The following SLC4A11 variants were observed in gnomAD, a reference collection of about 807,000 sequenced individuals.
SLC4A11 encodes bicarbonate transporter related protein 1.
In SLC4A11, 74 loss-of-function variants were observed where a neutral mutation model predicts 95.0. The ratio of observed to expected loss-of-function variants is 0.78; its 90% CI spans 0.65 to 0.95. The LOEUF is 0.95. Among genes scored for constraint, SLC4A11 ranks in the 40% least tolerant of loss-of-function variants. The pLI, the probability that SLC4A11 is intolerant of heterozygous loss-of-function variation, is 0.00. For missense variants in SLC4A11, 1,081 were observed against 1,192.4 expected (o/e 0.91, Z 1.38); for synonymous variants, 548 against 519.0 (o/e 1.06, Z -0.76).
intron 1 of SLC4A11, chr20:3,237,805 G>C: frequency 6.3e-7 from 1 of 1,589,036 alleles, no homozygotes; most frequent in East Asian, 2.3e-5. Flanking sequence ...CAATTGCTTA[G>C]CCCATCTGCT....
At chr20:3,230,060 C>G (rs1395514642) in intron 13 of SLC4A11, 127 bp downstream of exon 13, 1 of 1,259,278 alleles carries the variant, frequency 7.9e-7, no homozygotes, top group Non-Finnish European at 1.2e-6. Context: ...TCCCAGAGCA[C>G]CGCACCCTTG....
At chr20:3,228,004 A>AG in intron 19 of SLC4A11, 148 bp from the exon 20 acceptor site, 1 of 698,062 alleles carries the variant, frequency 1.4e-6, no homozygotes, top group Non-Finnish European at 2.2e-6. Context: ...CTCCACTCCT[A>AG]GACTGGAGCC....
chr20:3,232,542 A>G (rs755767952), intron 7 of SLC4A11, among the ~76,000 whole-genome samples: 3 of 152,218 alleles, frequency 2.0e-5, no homozygotes, highest in Non-Finnish European at 2.9e-5. Flanking sequence ...CTCTACTAAA[A>G]ATACAAAATA....
chr20:3,234,430 C>A lies in SLC4A11; in HGVS notation c.292-116G>T. 1 of 1,511,212 alleles carries A rather than the reference C, an allele frequency of 6.6e-7. No individual in the cohort carries two copies. The highest frequency in any genetic ancestry group is 9.2e-7 in the Non-Finnish European group (1 of 1,092,138). 93.6% of individuals were successfully genotyped at this position (1,511,212 alleles called of 1,614,324 possible). ...CAGCCCCCAGCCCCCAGCCCCCAGC[C>A]CTGGGCTGGTGCGAGCTCCCTGTTG... On this transcript the variant is annotated intron_variant, in intron 4 of 19. Coordinates refer to ENST00000642402, the MANE Select transcript of SLC4A11 (RefSeq NM_001174089.2). This position sits in a 1 kb window ranked among gnomAD's most constrained non-coding sequence, Gnocchi z 5.8.
chr20:3,231,154 G>A lies in SLC4A11; in HGVS notation c.1037C>T (p.Thr346Ile), dbSNP rs868600314. 6.2e-7 allele frequency: 1 copy of A among 1,614,150 alleles called. No individual in the cohort carries two copies. ...GGAAAGCAGAGGCCACGTACCATCA[G>A]TGAAGTCCAAGGGGTACAAGGGGAA... ...RRFPLYPLDF[T>I]DGIIGKNKAV... is the part of the protein sequence containing the mutation. Residue 346 changes from threonine to isoleucine, a missense_variant, in exon 9 of 20, where the codon ACT becomes ATT. Physicochemically the swap from Thr to Ile is moderately conservative, Grantham distance 89. Coordinates refer to ENST00000642402, the MANE Select transcript of SLC4A11 (RefSeq NM_001174089.2). The surrounding 1 kb of genome is among the most constrained non-coding windows in gnomAD (Gnocchi z 5.2).
At chr20:3,239,213 G>A, upstream of SLC4A11, 3 of 1,324,144 alleles carry the variant, frequency 2.3e-6, no homozygotes, top group Non-Finnish European at 1.9e-6. Context: ...CGGCGACTCG[G>A]GCGGGCCGGC....
chr20:3,237,666 C>A lies in SLC4A11; in HGVS notation c.44-78G>T, dbSNP rs1269915775. 2 of 1,614,064 alleles carry A rather than the reference C, an allele frequency of 1.2e-6. No individual in the cohort carries two copies. The highest frequency in any genetic ancestry group is 8.5e-7 in the Non-Finnish European group (1 of 1,180,022). On this transcript the variant is annotated intron_variant, in intron 1 of 19. Coordinates refer to ENST00000642402, the MANE Select transcript of SLC4A11 (RefSeq NM_001174089.2). The stretch of plus-strand genomic sequence containing the variant: ...CTGTGTGCACCTGTCTCCCCGCCCC[C>A]CGACCTGGCTCATTCCTTCGCTCTT...
rs2067795625 is a variant in SLC4A11 at position 3,231,955 on chromosome 20, G to A, written c.730-407C>T. Among the ~76,000 whole-genome samples the A allele has an allele frequency of 6.6e-6, 1 of 152,242 alleles. No individual in the cohort carries two copies. The highest frequency in any genetic ancestry group is 6.5e-5 in the Admixed American group (1 of 15,292). ...TTACAGGCACGAGCCACTGTGCCCA[G>A]ATGCTGGTAGCAGGTTTTATTCCAC... On this transcript the variant is annotated intron_variant, in intron 7 of 19. Coordinates refer to ENST00000642402, the MANE Select transcript of SLC4A11 (RefSeq NM_001174089.2). The surrounding 1 kb of genome is among the most constrained non-coding windows in gnomAD (Gnocchi z 5.2).
At chr20:3,235,297 TCTCTCTCTCTCTCACACACACACACA>T (rs1306374247) in intron 2 of SLC4A11, among the ~76,000 whole-genome samples, 5 of 112,288 alleles carry the variant, frequency 4.5e-5, no homozygotes, top group African/African-American at 6.1e-5. Context: ...TCTCTCTCTC[TCTCTCTCTCTCTCACACACACACACA>T]CACACACACA....
chr20:3,233,656 A>C lies in SLC4A11; in HGVS notation c.606-19T>G, dbSNP rs983920014. 1.9e-6 allele frequency: 3 copies of C among 1,610,098 alleles called. No individual in the cohort carries two copies. Among genetic ancestry groups the C allele is most frequent in the Admixed American group, 1.7e-5 (1 of 59,986 alleles). On this transcript the variant is annotated intron_variant, in intron 6 of 19. Coordinates refer to ENST00000642402, the MANE Select transcript of SLC4A11 (RefSeq NM_001174089.2). The stretch of plus-strand genomic sequence containing the variant: ...GGTACAGCTGGCAGGGGCGGGGAGG[A>C]CACAGTGCACAGTTGCACCCCAGGG...
At chr20:3,238,149 G>A in intron 1 of SLC4A11, 5 of 1,443,790 alleles carry the variant, frequency 3.5e-6, no homozygotes, top group Non-Finnish European at 4.6e-6. Context: ...CTGGGACCGC[G>A]TCCCGGCCGC....
chr20:3,231,902 T>C lies in SLC4A11; in HGVS notation c.730-354A>G, dbSNP rs1166979075. On this transcript the variant is annotated intron_variant, in intron 7 of 19. Transcript: ENST00000642402. This position sits in a 1 kb window ranked among gnomAD's most constrained non-coding sequence, Gnocchi z 5.2. ...CAAACTCCTGGCCTCAAGCAATCCATCTGTCTAGGCCTCCCAAAGTGCTGG... is the reference window on the plus strand; with the variant it reads ...CAAACTCCTGGCCTCAAGCAATCCACCTGTCTAGGCCTCCCAAAGTGCTGG... Among the ~76,000 whole-genome samples the C allele has an allele frequency of 6.6e-6, 1 of 152,056 alleles. No individual in the cohort carries two copies. Among genetic ancestry groups the C allele is most frequent in the African/African-American group, 2.4e-5 (1 of 41,412 alleles).
rs1479503169 is a variant in SLC4A11 at position 3,228,703 on chromosome 20, C to T, written c.2197G>A (p.Val733Met). 3.1e-6 allele frequency: 5 copies of T among 1,612,724 alleles called. No individual in the cohort carries two copies. The highest frequency in any genetic ancestry group is 3.3e-5 in the Admixed American group (2 of 59,970). ...VENGHIYDTI[V>M]NVKETRLTSL... is the part of the protein sequence containing the mutation. ...GTCAGCCGCGTCTCCTTCACGTTCACAATCCTGCGGTGGCCCGAGCCGCGA... is the reference window on the plus strand; with the variant it reads ...GTCAGCCGCGTCTCCTTCACGTTCATAATCCTGCGGTGGCCCGAGCCGCGA... Residue 733 changes from valine to methionine, a missense_variant, in exon 18 of 20, where the codon GTG becomes ATG. Physicochemically the swap from Val to Met is conservative, Grantham distance 21. Around this residue, in one of 3 missense-constraint regions of SLC4A11, gnomAD observed 767 missense variants for 858.0 expected, o/e 0.89. Coordinates refer to ENST00000642402, the MANE Select transcript of SLC4A11 (RefSeq NM_001174089.2).
chr20:3,237,661 G>GC lies in SLC4A11; in HGVS notation c.44-74dup, dbSNP rs778455666. On this transcript the variant is annotated intron_variant, in intron 1 of 19. Transcript: ENST00000642402. ...ACCTCCTGTGTGCACCTGTCTCCCC[G>GC]CCCCCCGACCTGGCTCATTCCTTCG... is the stretch of plus-strand genomic sequence containing the variant. 8 of 1,613,800 alleles carry GC rather than the reference G, an allele frequency of 5.0e-6. No individual in the cohort carries two copies. Among genetic ancestry groups the GC allele is most frequent in the East Asian group, 2.2e-5 (1 of 44,866 alleles).
intron 1 of SLC4A11, 24 bp from the exon 2 acceptor site, chr20:3,237,612 C>T (rs747573446): frequency 1.2e-6 from 2 of 1,614,060 alleles, no homozygotes; most frequent in Non-Finnish European, 8.5e-7. Context: ...AGAAAGGTCA[C>T]CAGCCCCATG....
rs572031749 is a variant in SLC4A11 at position 3,230,085 on chromosome 20, C to T, written c.1489+102G>A. 374 of 1,386,918 alleles carry T rather than the reference C, an allele frequency of 2.7e-4. 2 individuals are homozygous for T. The African/African-American group carries it at 4.5e-3, about 17-fold the overall frequency. The allele number at this position is 1,386,918 out of a possible 1,614,324, so 85.9% of individuals were successfully genotyped here. On this transcript the variant is annotated intron_variant, in intron 13 of 19. Coordinates refer to ENST00000642402, the MANE Select transcript of SLC4A11 (RefSeq NM_001174089.2). The stretch of plus-strand genomic sequence containing the variant: ...CCGCACCCTTGATCACGGGCACACA[C>T]TCAGCTTGAGCCAGTCCTATGTGCC...
intron 11 of SLC4A11, 26 bp from the exon 12 acceptor site, chr20:3,230,673 A>G (rs749292200): frequency 6.2e-7 from 1 of 1,613,062 alleles, no homozygotes; most frequent in East Asian, 2.2e-5. Context: ...AGGGCGGGTC[A>G]GGGCCCGGCA....
chr20:3,236,578 G>C (rs1295247680), intron 2 of SLC4A11, among the ~76,000 whole-genome samples: 1 of 137,276 alleles, frequency 7.3e-6, no homozygotes, highest in Non-Finnish European at 1.5e-5. Flanking sequence ...GACAGAGCGA[G>C]ACTCAAAACA....
rs1568543500 is a variant in SLC4A11, at chr20:3,234,949, G to T, written c.89-55C>A. The T allele has an allele frequency of 1.2e-5, 19 of 1,609,156 alleles. No homozygotes were observed. The South Asian group carries it at 2.0e-4, about 17-fold the overall frequency. On this transcript the variant is annotated intron_variant, in intron 2 of 19. Transcript: ENST00000642402. The surrounding 1 kb of genome is among the most constrained non-coding windows in gnomAD (Gnocchi z 5.8). Reference sequence around the variant, plus strand: ...GCTGTTAAAGTGCCACACACAGGAAGGAGGGGCTCCAAGCCCAGGGAGCAG... The same window carrying T: ...GCTGTTAAAGTGCCACACACAGGAATGAGGGGCTCCAAGCCCAGGGAGCAG...
Sources: gnomAD v4.1 joint callset for allele counts (sites outside exome capture counted in the v4.1 genomes callset) on GRCh38, gnomAD v4.1.1 for gene constraint, gnomAD v4.1.1 regional missense constraint, Gnocchi (gnomAD v3.1) non-coding constraint, MANE v1.5 for transcripts, NCBI Gene and HGNC (gene_info 2026-07-23, HGNC 2026-07-21) for gene names.